TAOK1: variants seen among roughly 807,000 people sequenced by gnomAD.
TAOK1 encodes the protein TAO kinase 1, also known as serine/threonine-protein kinase TAO1.
In TAOK1, 21 loss-of-function variants were observed where a neutral mutation model predicts 138.3. The ratio of observed to expected loss-of-function variants is 0.15; its 90% CI spans 0.11 to 0.22. The LOEUF (loss-of-function observed/expected upper bound fraction) is 0.22. Among genes scored for constraint, TAOK1 ranks in the 10% least tolerant of loss-of-function variants. TAOK1 has a pLI of 1.00. For synonymous variants in TAOK1, 361 were observed against 398.4 expected, an observed-to-expected ratio of 0.91 and a Z score of 1.12; for missense variants, 651 against 1,227.7, an observed-to-expected ratio of 0.53 and a Z score of 7.02.
At chr17:29,457,349 C>T (rs372236580) in intron 2 of TAOK1, among the ~76,000 whole-genome samples, 1,780 of 137,262 alleles carry the variant, frequency 0.013, 29 homozygotes, top group African/African-American at 0.046. Context: ...GTGATCCGCC[C>T]GCCTCGGCCT....
chr17:29,417,097 T>TC (rs1471643874), intron 1 of TAOK1, among the ~76,000 whole-genome samples: 2 of 152,170 alleles, frequency 1.3e-5, no homozygotes, highest in Admixed American at 6.6e-5. Flanking sequence ...CACTGCAACC[T>TC]CCATCTCCTG....
At chr17:29,485,673 A>T (rs1950161917) in intron 8 of TAOK1, among the ~76,000 whole-genome samples, 1 of 152,210 alleles carries the variant, frequency 6.6e-6, no homozygotes, top group Non-Finnish European at 1.5e-5. Flanking sequence ...ATAAAACAGG[A>T]AACAAAAGTA....
chr17:29,511,304 G>C (rs540370743), intron 15 of TAOK1: 116 of 154,694 alleles, frequency 7.5e-4, no homozygotes, highest in African/African-American at 2.7e-3. Context: ...CGCGCTCTCG[G>C]CTCACTTCAA....
chr17:29,497,993 G>C (rs2031446373), intron 11 of TAOK1, among the ~76,000 whole-genome samples: 1 of 151,962 alleles, frequency 6.6e-6, no homozygotes, highest in Non-Finnish European at 1.5e-5. Flanking sequence ...TACCCCATGA[G>C]ATGTACTGTA....
At chr17:29,451,011 T>C (rs2030217707) in intron 1 of TAOK1, among the ~76,000 whole-genome samples, 1 of 152,242 alleles carries the variant, frequency 6.6e-6, no homozygotes, top group Non-Finnish European at 1.5e-5. Flanking sequence ...TCCCACTATA[T>C]TTTTCTTTGA....
intron 1 of TAOK1, among the ~76,000 whole-genome samples, chr17:29,394,150 GTTTTTTTTTTTTTTTTT>G (rs58117433): frequency 1.9e-4 from 9 of 48,250 alleles, no homozygotes; most frequent in African/African-American, 3.1e-4. Context: ...TAATTTGCCA[GTTTTTTTTTTTTTTTTT>G]TTTTTTTTTT....
At chr17:29,440,698 C>T (rs1048965959) in intron 1 of TAOK1, among the ~76,000 whole-genome samples, 14 of 152,068 alleles carry the variant, frequency 9.2e-5, no homozygotes, top group African/African-American at 3.4e-4. Flanking sequence ...GCCTCAGCCT[C>T]CTGAGTAGCT....
rs143805781 is a variant in TAOK1 at position 29,430,739 on chromosome 17, C to T, written c.-94-20716C>T. 2.3e-4 allele frequency among the ~76,000 whole-genome samples: 35 copies of T among 152,264 alleles called. No homozygotes were observed. The East Asian group carries it at 6.8e-3, about 29-fold the overall frequency. On this transcript the variant is annotated intron_variant, in intron 1 of 19. Coordinates refer to ENST00000261716, the MANE Select transcript of TAOK1 (RefSeq NM_020791.4). The stretch of plus-strand genomic sequence containing the variant: ...ATCTTCCTCTGAGAGACATGATCCC[C>T]ATAAATCTTTATGGGAGGCAGAAGG...
At position 29,393,660 on chromosome 17, in the gene TAOK1, C is replaced by T. The variant is rs187089952; in HGVS notation, c.-95+2636C>T. The stretch of plus-strand genomic sequence containing the variant: ...TCACAACTGGCTCTTTCACTGGATT[C>T]TCTTTTAATGACTTAATTTTTGGCA... On this transcript the variant is annotated intron_variant, in intron 1 of 19. Transcript: ENST00000261716. 5.3e-5 allele frequency among the ~76,000 whole-genome samples: 8 copies of T among 152,318 alleles called. No homozygotes were observed. The East Asian group carries it at 7.7e-4, about 15-fold the overall frequency.
intron 8 of TAOK1, among the ~76,000 whole-genome samples, chr17:29,487,197 G>T (rs1312456029): frequency 7.7e-6 from 1 of 130,528 alleles, no homozygotes; most frequent in Non-Finnish European, 1.5e-5. Context: ...AGTGAGCCAA[G>T]ATTGTGCCAT....
At chr17:29,525,049 CATT>C (rs1186827182) in intron 17 of TAOK1, among the ~76,000 whole-genome samples, 2 of 152,106 alleles carry the variant, frequency 1.3e-5, no homozygotes, top group African/African-American at 4.8e-5. Flanking sequence ...TATTTTTTCT[CATT>C]AGGCAGGAAT....
At chr17:29,526,000 A>G (rs1006391099) in intron 17 of TAOK1, among the ~76,000 whole-genome samples, 40 of 152,294 alleles carry the variant, frequency 2.6e-4, no homozygotes, top group African/African-American at 9.4e-4. Flanking sequence ...CGTCTCAAAA[A>G]TTAAAAATAA....
intron 19 of TAOK1, among the ~76,000 whole-genome samples, chr17:29,535,988 C>G (rs1168260100): frequency 2.6e-5 from 4 of 152,054 alleles, no homozygotes; most frequent in Non-Finnish European, 1.5e-5. Context: ...AATTTTATTT[C>G]TCATTCAAGA....
At chr17:29,445,072 A>G (rs1011781329) in intron 1 of TAOK1, among the ~76,000 whole-genome samples, 2 of 152,194 alleles carry the variant, frequency 1.3e-5, no homozygotes, top group African/African-American at 2.4e-5. Flanking sequence ...AGCGTTGATT[A>G]GGAGTGATTA....
At chr17:29,526,819 TAAAAAAAAAAAAAA>T (rs71138830) in intron 17 of TAOK1, among the ~76,000 whole-genome samples, 8 of 50,946 alleles carry the variant, frequency 1.6e-4, no homozygotes, top group South Asian at 7.4e-4. Flanking sequence ...TCTCATCTCT[TAAAAAAAAAAAAAA>T]AAAAAAAAAA....
chr17:29,526,819 T>TAAA lies in TAOK1; in HGVS notation c.2149-3562_2149-3560dup, dbSNP rs71138830. 1.9e-3 allele frequency among the ~76,000 whole-genome samples: 95 copies of TAAA among 50,950 alleles called. 13 individuals are homozygous for TAAA. Among genetic ancestry groups the TAAA allele is most frequent in the African/African-American group, 7.9e-3 (91 of 11,504 alleles). The allele number at this position is 50,950 out of a possible 152,430, so 33.4% of individuals were successfully genotyped here. ...GGCAGCATAGGGAGATCTCATCTCTTAAAAAAAAAAAAAAAAAAAAAAAAA... is the reference window on the plus strand; with the variant it reads ...GGCAGCATAGGGAGATCTCATCTCTTAAAAAAAAAAAAAAAAAAAAAAAAAAAA... On this transcript the variant is annotated intron_variant, in intron 17 of 19. Coordinates refer to ENST00000261716, the MANE Select transcript of TAOK1 (RefSeq NM_020791.4).
At chr17:29,395,306 G>A (rs1039713896) in intron 1 of TAOK1, among the ~76,000 whole-genome samples, 3 of 152,052 alleles carry the variant, frequency 2.0e-5, no homozygotes, top group Middle Eastern at 3.4e-3. Context: ...CAAGGTGGGC[G>A]GATCACCTGA....
intron 1 of TAOK1, among the ~76,000 whole-genome samples, chr17:29,393,662 CT>C (rs1346116378): frequency 6.6e-6 from 1 of 152,160 alleles, no homozygotes; most frequent in East Asian, 1.9e-4. Context: ...ACTGGATTCT[CT>C]TTTAATGACT....
intron 2 of TAOK1, among the ~76,000 whole-genome samples, chr17:29,454,995 CA>C (rs1340358358): frequency 6.6e-6 from 1 of 152,182 alleles, no homozygotes; most frequent in Non-Finnish European, 1.5e-5. Context: ...TTGCTCACTG[CA>C]ACCTTTGCCT....
Sources: gnomAD v4.1 joint callset for allele counts (sites outside exome capture counted in the v4.1 genomes callset) on GRCh38, gnomAD v4.1.1 for gene constraint, MANE v1.5 for transcripts, NCBI Gene and HGNC (gene_info 2026-07-23, HGNC 2026-07-21) for gene names.